THSD7A: variants seen among roughly 807,000 people sequenced by gnomAD.
The protein encoded by THSD7A is thrombospondin type 1 domain containing 7A, also known as thrombospondin type-1 domain-containing protein 7A.
In THSD7A, 96 loss-of-function variants were observed where a neutral mutation model predicts 231.3. That is an observed-to-expected ratio of 0.41 (90% CI 0.35 to 0.49). THSD7A has a LOEUF of 0.49. Among genes scored for constraint, THSD7A ranks in the 20% least tolerant of loss-of-function variants. THSD7A has a pLI of 0.05. For missense variants in THSD7A, 2,290 were observed against 2,070.2 expected (o/e 1.11, Z -2.06); for synonymous variants, 940 against 743.3 (o/e 1.26, Z -4.30).
At chr7:11,694,156 T>C (rs1780318238) in intron 1 of THSD7A, among the ~76,000 whole-genome samples, 1 of 151,560 alleles carries the variant, frequency 6.6e-6, no homozygotes, top group Admixed American at 6.6e-5. Context: ...GTTGCATCTC[T>C]TGGCTATCTT....
At chr7:11,702,654 G>A in intron 1 of THSD7A, among the ~76,000 whole-genome samples, 1 of 151,128 alleles carries the variant, frequency 6.6e-6, no homozygotes, top group East Asian at 2.0e-4. Flanking sequence ...TTACTGTTTG[G>A]TTGAATGAGA....
intron 23 of THSD7A, among the ~76,000 whole-genome samples, chr7:11,394,238 C>A (rs1246744913): frequency 6.6e-6 from 1 of 152,180 alleles, no homozygotes; most frequent in Admixed American, 6.5e-5. Context: ...ATTTTCAATC[C>A]ACAATTTCAC....
At chr7:11,718,026 A>T (rs1322369782) in intron 1 of THSD7A, among the ~76,000 whole-genome samples, 1 of 151,664 alleles carries the variant, frequency 6.6e-6, no homozygotes, top group Non-Finnish European at 1.5e-5. Flanking sequence ...ATGCACAAAG[A>T]TTATCACAAA....
At chr7:11,537,282 C>G (rs999063130) in intron 6 of THSD7A, among the ~76,000 whole-genome samples, 24 of 152,136 alleles carry the variant, frequency 1.6e-4, no homozygotes, top group African/African-American at 5.3e-4. Context: ...AGCCAGTGCC[C>G]TGGATACTAA....
chr7:11,816,277 T>C (rs1340504974), intron 1 of THSD7A, among the ~76,000 whole-genome samples: 1 of 152,132 alleles, frequency 6.6e-6, no homozygotes, highest in East Asian at 1.9e-4. Flanking sequence ...AACTGGGGAA[T>C]AAAAGGTCAC....
intron 1 of THSD7A, among the ~76,000 whole-genome samples, chr7:11,683,466 C>T (rs536387122): frequency 2.0e-5 from 3 of 151,390 alleles, no homozygotes; most frequent in Non-Finnish European, 4.4e-5. Flanking sequence ...TAAACAAGAT[C>T]GATAGAATGT....
intron 4 of THSD7A, among the ~76,000 whole-genome samples, chr7:11,574,919 C>A (rs1367304601): frequency 6.6e-6 from 1 of 152,146 alleles, no homozygotes; most frequent in Non-Finnish European, 1.5e-5. Context: ...AAGTAGTAAC[C>A]CTATACTGTA....
intron 1 of THSD7A, among the ~76,000 whole-genome samples, chr7:11,813,096 T>C (rs547404920): frequency 1.3e-5 from 2 of 152,306 alleles, no homozygotes; most frequent in South Asian, 2.1e-4. Context: ...TTTTTATTGG[T>C]ATAATTTAGA....
chr7:11,401,505 C>T (rs1373857825), intron 23 of THSD7A, among the ~76,000 whole-genome samples: 3 of 152,114 alleles, frequency 2.0e-5, no homozygotes, highest in South Asian at 2.1e-4. Flanking sequence ...CAGTCTCTGG[C>T]CTCCCGGGAT....
chr7:11,817,574 A>G (rs1433346890), intron 1 of THSD7A, among the ~76,000 whole-genome samples: 1 of 152,176 alleles, frequency 6.6e-6, no homozygotes, highest in Non-Finnish European at 1.5e-5. Flanking sequence ...GTAAAAAAGG[A>G]AAGGACACAG....
At chr7:11,788,591 A>C (rs1177894591) in intron 1 of THSD7A, among the ~76,000 whole-genome samples, 1 of 152,096 alleles carries the variant, frequency 6.6e-6, no homozygotes, top group Admixed American at 6.6e-5. Flanking sequence ...ATTTAAATGC[A>C]GACAGTGAGA....
intron 6 of THSD7A, among the ~76,000 whole-genome samples, chr7:11,489,634 C>T (rs747968108): frequency 2.6e-5 from 4 of 152,034 alleles, no homozygotes; most frequent in Non-Finnish European, 5.9e-5. Context: ...TAGAGAAAAG[C>T]ATTTGCAAAC....
chr7:11,377,830 A>G lies in THSD7A; in HGVS notation c.4802-1173T>C, dbSNP rs1211864694. The G allele has an allele frequency of 1.3e-5, 2 of 152,104 alleles. No homozygotes were observed. The highest frequency in any genetic ancestry group is 6.6e-5 in the Admixed American group (1 of 15,254). 9.4% of individuals were successfully genotyped at this position (152,104 alleles called of 1,614,324 possible). ...AAAATTTTAACTTTGGGGAAACTAT[A>G]TATAAAATTTAAAATAATGACAATA... On this transcript the variant is annotated intron_variant, in intron 26 of 27. Coordinates refer to ENST00000423059, the MANE Select transcript of THSD7A (RefSeq NM_015204.3). The surrounding 1 kb of genome is among the most constrained non-coding windows in gnomAD (Gnocchi z 4.5).
At chr7:11,798,140 T>G (rs1784179002) in intron 1 of THSD7A, among the ~76,000 whole-genome samples, 1 of 152,048 alleles carries the variant, frequency 6.6e-6, no homozygotes, top group African/African-American at 2.4e-5. Context: ...GAAGACAGCA[T>G]GATTATTAGC....
chr7:11,654,346 T>G (rs1396240303), intron 1 of THSD7A, among the ~76,000 whole-genome samples: 1 of 151,966 alleles, frequency 6.6e-6, no homozygotes, highest in African/African-American at 2.4e-5. Flanking sequence ...GGATGTGCTA[T>G]TAATAAAATC....
At chr7:11,784,035 A>C (rs1202565190) in intron 1 of THSD7A, among the ~76,000 whole-genome samples, 1 of 151,968 alleles carries the variant, frequency 6.6e-6, no homozygotes, top group African/African-American at 2.4e-5. Context: ...CCTTTTGACT[A>C]TAATATTAGA....
At chr7:11,463,053 G>A (rs2077216931) in intron 9 of THSD7A, among the ~76,000 whole-genome samples, 3 of 152,056 alleles carry the variant, frequency 2.0e-5, no homozygotes, top group Admixed American at 2.0e-4. Context: ...TCCTCCTGAT[G>A]CATTTTCATT....
intron 1 of THSD7A, among the ~76,000 whole-genome samples, chr7:11,801,938 CTAT>C (rs1562565871): frequency 6.6e-6 from 1 of 152,110 alleles, no homozygotes; most frequent in East Asian, 1.9e-4. Flanking sequence ...AATTATTTTA[CTAT>C]TATTTTTTAC....
intron 2 of THSD7A, among the ~76,000 whole-genome samples, chr7:11,616,724 G>C (rs1166653284): frequency 6.6e-6 from 1 of 151,998 alleles, no homozygotes; most frequent in Non-Finnish European, 1.5e-5. Context: ...ATAACCCAGT[G>C]ACTTTTGAGA....
Sources: gnomAD v4.1 joint callset for allele counts (sites outside exome capture counted in the v4.1 genomes callset) on GRCh38, gnomAD v4.1.1 for gene constraint, Gnocchi (gnomAD v3.1) non-coding constraint, MANE v1.5 for transcripts, NCBI Gene and HGNC (gene_info 2026-07-23, HGNC 2026-07-21) for gene names.